GRIN2B: variants seen among roughly 807,000 people sequenced by gnomAD.
GRIN2B encodes the protein glutamate receptor ionotropic, NMDA 2B.
Under a neutral mutation model 114.5 loss-of-function variants are expected in GRIN2B, and 5 were observed. The ratio of observed to expected loss-of-function variants is 0.04; its 90% CI spans 0.02 to 0.09. The LOEUF is 0.09. Ranked by LOEUF, GRIN2B falls within the 10% of genes least tolerant of loss-of-function variation. The pLI, the probability that GRIN2B is intolerant of heterozygous loss-of-function variation, is 1.00. For synonymous variants in GRIN2B, 787 were observed against 745.1 expected (o/e 1.06, Z -0.92); for missense variants, 1,108 against 1,943.5 (o/e 0.57, Z 8.08).
intron 3 of GRIN2B, among the ~76,000 whole-genome samples, chr12:13,775,259 G>A (rs1047350074): frequency 6.6e-6 from 1 of 152,160 alleles, no homozygotes; most frequent in African/African-American, 2.4e-5. Flanking sequence ...TAACATAATA[G>A]GTAATAACTA....
At chr12:13,852,971 T>C (rs1865597726) in intron 3 of GRIN2B, among the ~76,000 whole-genome samples, 1 of 152,094 alleles carries the variant, frequency 6.6e-6, no homozygotes. Context: ...CTATTACTCA[T>C]CAAGAAACAA....
chr12:13,692,713 G>A (rs1441265104), intron 4 of GRIN2B, among the ~76,000 whole-genome samples: 2 of 147,576 alleles, frequency 1.4e-5, no homozygotes, highest in South Asian at 2.2e-4. Flanking sequence ...CCCTGAACTC[G>A]AATAGTTGGG....
intron 2 of GRIN2B, among the ~76,000 whole-genome samples, chr12:13,933,170 T>C (rs972525487): frequency 1.3e-5 from 2 of 152,216 alleles, no homozygotes; most frequent in African/African-American, 4.8e-5. Flanking sequence ...AGTCATCAGC[T>C]CATGCTAAGT....
chr12:13,626,060 T>C (rs1949562893), intron 5 of GRIN2B, among the ~76,000 whole-genome samples: 1 of 152,184 alleles, frequency 6.6e-6, no homozygotes, highest in African/African-American at 2.4e-5. Flanking sequence ...TGGGAAGCCA[T>C]AATCCTCAGA....
Position 13,834,197 on chromosome 12 carries a change from ATTTT to A in GRIN2B, c.411+31597_411+31600del, listed in dbSNP as rs756189402. On this transcript the variant is annotated intron_variant, in intron 3 of 13. Coordinates refer to ENST00000609686, the MANE Select transcript of GRIN2B (RefSeq NM_000834.5). The stretch of plus-strand genomic sequence containing the variant: ...AGGTGCCCACCACCACGCCTGGCTA[ATTTT>A]TTTTTTTTTTTTTTTTTAGTAGAGA... Among the ~76,000 whole-genome samples, 22 of 111,502 alleles carry A rather than the reference ATTTT, an allele frequency of 2.0e-4. 1 individual carries two copies. The highest frequency in any genetic ancestry group is 8.0e-4 in the African/African-American group (22 of 27,542). The allele number at this position is 111,502 out of a possible 152,430, so 73.1% of individuals were successfully genotyped here.
chr12:13,846,952 T>G (rs1865482691), intron 3 of GRIN2B, among the ~76,000 whole-genome samples: 1 of 149,494 alleles, frequency 6.7e-6, no homozygotes, highest in South Asian at 2.1e-4. Flanking sequence ...GAGAAAGGAG[T>G]GCAGGCAGAG....
At chr12:13,704,933 A>G (rs773259471) in intron 4 of GRIN2B, among the ~76,000 whole-genome samples, 5 of 152,160 alleles carry the variant, frequency 3.3e-5, no homozygotes, top group African/African-American at 1.2e-4. Flanking sequence ...CTTTCTGCCT[A>G]AAATATTAAT....
At chr12:13,901,007 T>C (rs1015835312) in intron 2 of GRIN2B, among the ~76,000 whole-genome samples, 11 of 152,166 alleles carry the variant, frequency 7.2e-5, no homozygotes, top group African/African-American at 2.7e-4. Flanking sequence ...CCAAGAATCC[T>C]AGTACAATAA....
rs375686571 is a variant in GRIN2B, at chr12:13,719,939, G to C, written c.1010+33378C>G. Among the ~76,000 whole-genome samples the C allele has an allele frequency of 3.3e-5, 5 of 152,098 alleles. No homozygotes were observed. In the East Asian group the frequency reaches 7.8e-4, roughly 24 times the overall value. On this transcript the variant is annotated intron_variant, in intron 4 of 13. Coordinates refer to ENST00000609686, the MANE Select transcript of GRIN2B (RefSeq NM_000834.5). The stretch of plus-strand genomic sequence containing the variant: ...ATGATTGTGAAAAACTTCCAGTCCA[G>C]CTACCTTGTAAGCCTTTAAACAGAC...
chr12:13,867,594 C>T (rs1265260081), intron 2 of GRIN2B, among the ~76,000 whole-genome samples: 1 of 152,154 alleles, frequency 6.6e-6, no homozygotes, highest in Non-Finnish European at 1.5e-5. Flanking sequence ...TTATATGCTG[C>T]ACACTGTGTT....
At chr12:13,811,087 G>A (rs971179221) in intron 3 of GRIN2B, among the ~76,000 whole-genome samples, 1 of 152,198 alleles carries the variant, frequency 6.6e-6, no homozygotes, top group Admixed American at 6.5e-5. Flanking sequence ...TATGGCAACT[G>A]GCCAAAAACA....
intron 4 of GRIN2B, among the ~76,000 whole-genome samples, chr12:13,708,049 G>A (rs1216842643): frequency 6.6e-6 from 1 of 152,082 alleles, no homozygotes; most frequent in Non-Finnish European, 1.5e-5. Context: ...ATAAGGCAGA[G>A]TGGGCTGTGA....
chr12:13,655,300 A>C (rs924085022), intron 5 of GRIN2B, among the ~76,000 whole-genome samples: 1 of 152,128 alleles, frequency 6.6e-6, no homozygotes, highest in Admixed American at 6.6e-5. Context: ...AACCTACCTC[A>C]TCCCAGAATA....
intron 2 of GRIN2B, among the ~76,000 whole-genome samples, chr12:13,945,889 G>A (rs1867354552): frequency 6.6e-6 from 1 of 152,242 alleles, no homozygotes; most frequent in South Asian, 2.1e-4. Context: ...ATGCCAAACA[G>A]GGCAGCCTAG....
intron 9 of GRIN2B, among the ~76,000 whole-genome samples, chr12:13,609,284 G>A (rs1376199002): frequency 2.6e-5 from 4 of 152,166 alleles, no homozygotes; most frequent in African/African-American, 9.7e-5. Flanking sequence ...AGCAAGAACT[G>A]GGTAAGATTG....
intron 2 of GRIN2B, among the ~76,000 whole-genome samples, chr12:13,955,295 G>A (rs1867569676): frequency 1.3e-5 from 2 of 152,144 alleles, no homozygotes; most frequent in African/African-American, 4.8e-5. Flanking sequence ...TCTTGTAGCA[G>A]GATCTGACCT....
At chr12:13,980,925 G>GC (rs1863122729) in intron 1 of GRIN2B, among the ~76,000 whole-genome samples, 1 of 151,818 alleles carries the variant, frequency 6.6e-6, no homozygotes, top group Non-Finnish European at 1.5e-5. Flanking sequence ...ACGCGCACGC[G>GC]CCCCGCGCGC....
intron 3 of GRIN2B, among the ~76,000 whole-genome samples, chr12:13,828,798 C>G (rs1347356116): frequency 6.6e-6 from 1 of 152,092 alleles, no homozygotes; most frequent in South Asian, 2.1e-4. Flanking sequence ...GTGAAAGTAT[C>G]ACAATTTTTG....
intron 2 of GRIN2B, among the ~76,000 whole-genome samples, chr12:13,876,710 G>A (rs1865995770): frequency 1.3e-5 from 2 of 152,134 alleles, no homozygotes; most frequent in Middle Eastern, 3.2e-3. Flanking sequence ...AAAGAGTACT[G>A]GAAAGGAGTA....
Sources: allele counts gnomAD v4.1 joint callset (sites outside exome capture counted in the v4.1 genomes callset), GRCh38; gene constraint gnomAD v4.1.1; transcripts MANE v1.5; gene names NCBI Gene and HGNC (gene_info 2026-07-23, HGNC 2026-07-21).